Variants in FBXL5 observed in about 807,000 individuals in gnomAD.
FBXL5 encodes F-box and leucine rich repeat protein 5, also known as F-box/LRR-repeat protein 5.
In FBXL5, 26 loss-of-function variants were observed where a neutral mutation model predicts 78.3. That is an observed-to-expected ratio of 0.33 (90% CI 0.24 to 0.46). FBXL5 has a LOEUF of 0.46. Ranked by LOEUF, FBXL5 falls within the 20% of genes least tolerant of loss-of-function variation. The probability of loss-of-function intolerance (pLI) is 1.00; values close to 1 mark genes in which losing one functional copy is unlikely to be tolerated. For missense variants in FBXL5, 710 were observed against 829.2 expected, an observed-to-expected ratio of 0.86 and a Z score of 1.77; for synonymous variants, 295 against 282.5, an observed-to-expected ratio of 1.04 and a Z score of -0.45.
At chr4:15,650,779 C>G (rs1291847451) in intron 1 of FBXL5, among the ~76,000 whole-genome samples, 1 of 150,912 alleles carries the variant, frequency 6.6e-6, no homozygotes, top group Non-Finnish European at 1.5e-5. Flanking sequence ...ATTACAGGAC[C>G]CCGCCACCAT....
upstream of FBXL5, chr4:15,659,869 G>A: frequency 8.2e-6 from 2 of 242,558 alleles, no homozygotes; most frequent in Non-Finnish European, 1.3e-5. Flanking sequence ...GCTACTCTCA[G>A]GGACAACTTG....
intron 4 of FBXL5, among the ~76,000 whole-genome samples, chr4:15,637,902 T>TTAA (rs1184051081): frequency 6.9e-5 from 10 of 144,796 alleles, no homozygotes; most frequent in African/African-American, 1.0e-4. Flanking sequence ...CTAGTTTTTT[T>TTAA]AAAAAAAAAA....
chr4:15,645,588 C>G (rs1013536143), intron 1 of FBXL5, among the ~76,000 whole-genome samples: 1 of 152,038 alleles, frequency 6.6e-6, no homozygotes, highest in Non-Finnish European at 1.5e-5. Context: ...CCACCACGCC[C>G]GGCTAATTTT....
intron 4 of FBXL5, among the ~76,000 whole-genome samples, chr4:15,637,756 A>G (rs2148629948): frequency 6.6e-6 from 1 of 152,312 alleles, no homozygotes; most frequent in Middle Eastern, 3.4e-3. Flanking sequence ...TAGTTTCAAC[A>G]TGCATTTCAC....
intron 1 of FBXL5, among the ~76,000 whole-genome samples, chr4:15,665,454 T>C (rs916550601): frequency 6.6e-6 from 1 of 152,164 alleles, no homozygotes; most frequent in East Asian, 1.9e-4. Context: ...TTGCAGGAAT[T>C]ACCCCAACCA....
chr4:15,668,329 A>C (rs113274658), intron 1 of FBXL5, among the ~76,000 whole-genome samples: 12 of 152,100 alleles, frequency 7.9e-5, no homozygotes, highest in Middle Eastern at 3.4e-3. Flanking sequence ...AAATAAAAAT[A>C]ATCAAGAATG....
chr4:15,644,455 C>G, intron 2 of FBXL5, 38 bp downstream of exon 2: 1 of 1,533,622 alleles, frequency 6.5e-7, no homozygotes, highest in Non-Finnish European at 8.9e-7. Context: ...GAAGATGGCA[C>G]AAGTTTTGAC....
chr4:15,629,280 T>C (rs1188068961), intron 6 of FBXL5, among the ~76,000 whole-genome samples: 1 of 152,100 alleles, frequency 6.6e-6, no homozygotes, highest in African/African-American at 2.4e-5. Flanking sequence ...ATACACTGAA[T>C]TTGTGAGAAC....
chr4:15,632,477 G>A (rs1223719932), intron 5 of FBXL5, among the ~76,000 whole-genome samples: 1 of 152,124 alleles, frequency 6.6e-6, no homozygotes, highest in Non-Finnish European at 1.5e-5. Context: ...TGATGGCAAT[G>A]GCACTGAATC....
intron 1 of FBXL5, among the ~76,000 whole-genome samples, chr4:15,676,784 C>T (rs1482691743): frequency 6.6e-6 from 1 of 152,082 alleles, no homozygotes; most frequent in Non-Finnish European, 1.5e-5. Context: ...TATATTTGAA[C>T]ACTTTCAGAA....
chr4:15,619,408 C>T (rs1712250161), intron 9 of FBXL5, among the ~76,000 whole-genome samples: 1 of 151,958 alleles, frequency 6.6e-6, no homozygotes. Flanking sequence ...CAACAAATCA[C>T]ACATTAATAA....
rs748898206 is a variant in FBXL5, at chr4:15,627,913, G to A, written c.1013C>T (p.Ala338Val). The change falls in exon 7 of 11, where the codon GCA becomes GTA. Residue 338 changes from alanine to valine, a missense_variant. By Grantham distance (64) the Ala-to-Val change is moderately conservative. Around this residue, in one of 4 missense-constraint regions of FBXL5, gnomAD observed 517 missense variants for 542.9 expected, o/e 0.95. Coordinates refer to ENST00000341285, the MANE Select transcript of FBXL5 (RefSeq NM_012161.4). ...VGTSVKTLVL[A>V]YSSAVSSKMV... is the part of the protein sequence containing the mutation. Reference sequence around the variant, plus strand: ...TTTGCTGGAAACTGCAGAGCTGTATGCTAATACTAAGGTTTTTACAGAAGT... The same window carrying A: ...TTTGCTGGAAACTGCAGAGCTGTATACTAATACTAAGGTTTTTACAGAAGT... 1.9e-6 allele frequency: 3 copies of A among 1,613,518 alleles called. No individual in the cohort carries two copies.
intron 1 of FBXL5, among the ~76,000 whole-genome samples, chr4:15,669,083 A>G (rs1717659357): frequency 6.6e-6 from 1 of 152,214 alleles, no homozygotes; most frequent in African/African-American, 2.4e-5. Context: ...ATAACCTCAG[A>G]CACAACTGAA....
At chr4:15,631,163 CGGTATTT>C (rs1453728887) in intron 5 of FBXL5, among the ~76,000 whole-genome samples, 3 of 152,018 alleles carry the variant, frequency 2.0e-5, no homozygotes, top group Non-Finnish European at 4.4e-5. Flanking sequence ...TGAGAACATG[CGGTATTT>C]GGTTTTCTGT....
upstream of FBXL5, among the ~76,000 whole-genome samples, chr4:15,664,258 G>C (rs143353727): frequency 1.3e-5 from 2 of 152,050 alleles, no homozygotes; most frequent in African/African-American, 4.8e-5. Flanking sequence ...TACAGACCTA[G>C]TATGGGCCCT....
At chr4:15,629,685 G>C (rs561423111) in intron 6 of FBXL5, among the ~76,000 whole-genome samples, 5 of 152,094 alleles carry the variant, frequency 3.3e-5, no homozygotes, top group South Asian at 4.1e-4. Context: ...AACTAGAATA[G>C]ACCTTTTCCT....
At chr4:15,644,763 TA>T in intron 1 of FBXL5, 55 bp from the exon 2 acceptor site, 2 of 1,284,650 alleles carry the variant, frequency 1.6e-6, no homozygotes, top group Non-Finnish European at 2.2e-6. Flanking sequence ...TATGCACAAA[TA>T]AAAAATATTC....
At chr4:15,675,835 G>A (rs1288344203) in intron 1 of FBXL5, among the ~76,000 whole-genome samples, 2 of 151,948 alleles carry the variant, frequency 1.3e-5, no homozygotes, top group African/African-American at 2.4e-5. Context: ...CGCCTGCCTC[G>A]GCCTCCCAAA....
chr4:15,657,534 C>T (rs1436717295), upstream of FBXL5, among the ~76,000 whole-genome samples: 1 of 152,212 alleles, frequency 6.6e-6, no homozygotes, highest in Non-Finnish European at 1.5e-5. Context: ...CACAGTTTCA[C>T]TGTAACCCAG....
Sources: allele counts gnomAD v4.1 joint callset (sites outside exome capture counted in the v4.1 genomes callset), GRCh38; gene constraint gnomAD v4.1.1; regional missense constraint gnomAD v4.1.1; transcripts MANE v1.5; gene names NCBI Gene and HGNC (gene_info 2026-07-23, HGNC 2026-07-21).